The following NFATC1 variants were observed in gnomAD, a reference collection of about 807,000 sequenced individuals.
NFATC1 encodes nuclear factor of activated T cells 1, also known as nuclear factor of activated T-cells, cytoplasmic 1.
A neutral mutation model predicts 76.0 loss-of-function variants in NFATC1; 22 were observed. The ratio of observed to expected loss-of-function variants is 0.29; its 90% CI spans 0.21 to 0.41. The LOEUF (loss-of-function observed/expected upper bound fraction) is 0.41, where lower values mean the gene tolerates loss of function less well. Ranked by LOEUF, NFATC1 falls within the 10% of genes least tolerant of loss-of-function variation. The pLI, the probability that NFATC1 is intolerant of heterozygous loss-of-function variation, is 1.00. For synonymous variants in NFATC1, 704 were observed against 613.1 expected (o/e 1.15, Z -2.19); for missense variants, 1,357 against 1,337.7 (o/e 1.01, Z -0.23).
intron 3 of NFATC1, among the ~76,000 whole-genome samples, chr18:79,437,640 A>G (rs1173378602): frequency 6.6e-6 from 1 of 152,102 alleles, no homozygotes; most frequent in Non-Finnish European, 1.5e-5. Flanking sequence ...CCCAGCTCAC[A>G]CTGAGTGTCC....
Position 79,486,593 on chromosome 18 carries a change from C to G in NFATC1, c.2438C>G (p.Ser813Trp), listed in dbSNP as rs762686610. The change falls in exon 9 of 10, where the codon TCG becomes TGG. Residue 813 changes from serine to tryptophan, a missense_variant. By Grantham distance (177) the Ser-to-Trp change is radical. Transcript: ENST00000427363. ...AGGCCAGTGGCCACGCACCCCGGCT[C>G]GCCCGGGCAGCCACCCCCGGCCCTG... is the stretch of plus-strand genomic sequence containing the variant. ...VPRPVATHPG[S>W]PGQPPPALLP... The G allele has an allele frequency of 1.9e-6, 3 of 1,589,886 alleles. No individual in the cohort carries two copies. The African/African-American group carries it at 4.0e-5, about 21-fold the overall frequency.
At chr18:79,426,082 C>G (rs559340044) in intron 2 of NFATC1, among the ~76,000 whole-genome samples, 82 of 152,182 alleles carry the variant, frequency 5.4e-4, no homozygotes, top group African/African-American at 1.9e-3. Context: ...TGTGGTGGTG[C>G]GCCTGTGGTC....
intron 2 of NFATC1, among the ~76,000 whole-genome samples, chr18:79,426,483 A>G (rs1186061007): frequency 6.6e-6 from 1 of 152,192 alleles, no homozygotes; most frequent in African/African-American, 2.4e-5. Flanking sequence ...GCCACGAGCC[A>G]CACTGCTGTG....
chr18:79,469,075 C>G (rs1273382377), intron 8 of NFATC1: 1 of 156,340 alleles, frequency 6.4e-6, no homozygotes, highest in Non-Finnish European at 1.4e-5. Flanking sequence ...GCCTCACGCT[C>G]TGGACCCCCC....
At chr18:79,510,555 G>C (rs779023178) in intron 9 of NFATC1, among the ~76,000 whole-genome samples, 119 of 152,252 alleles carry the variant, frequency 7.8e-4, no homozygotes, top group Non-Finnish European at 1.4e-3. Flanking sequence ...CGGAGGAACA[G>C]GGATGGGCCT....
At chr18:79,508,120 C>T (rs942812363) in intron 9 of NFATC1, among the ~76,000 whole-genome samples, 2 of 152,212 alleles carry the variant, frequency 1.3e-5, no homozygotes, top group Admixed American at 1.3e-4. Flanking sequence ...TAAAAGTGAA[C>T]TTCAATTATT....
rs1569062185 is a variant in NFATC1, at chr18:79,527,717, G to A, written c.*140G>A. The stretch of plus-strand genomic sequence containing the variant: ...AATGCCAGGAGCTGAACATTAATAT[G>A]TGCAAAGATTGGCTCTCCAACAAGA... On this transcript the variant is annotated 3_prime_UTR_variant, in exon 10 of 10. Coordinates refer to ENST00000427363, the MANE Select transcript of NFATC1 (RefSeq NM_001278669.2). The A allele has an allele frequency of 2.7e-6, 2 of 746,782 alleles. No individual in the cohort carries two copies. The highest frequency in any genetic ancestry group is 1.7e-5 in the South Asian group (1 of 60,048). 46.3% of individuals were successfully genotyped at this position (746,782 alleles called of 1,614,324 possible). A position where few individuals can be genotyped will look rare whatever the true frequency, so the allele number is the denominator to read the frequency against.
intron 9 of NFATC1, among the ~76,000 whole-genome samples, 159 bp downstream of exon 9, chr18:79,487,096 G>A (rs1447531321): frequency 4.6e-5 from 7 of 152,192 alleles, no homozygotes; most frequent in Admixed American, 6.5e-5. Flanking sequence ...GTGCCCGTGC[G>A]GTGCCACGGC....
chr18:79,494,475 G>A lies in NFATC1; in HGVS notation c.2782+7538G>A, dbSNP rs11875741. The stretch of plus-strand genomic sequence containing the variant: ...CGCCCCCCATCGACCTGGTACCGCC[G>A]GGGGAAGGCGAGAGCGGGCACACGC... On this transcript the variant is annotated intron_variant, in intron 9 of 9. Coordinates refer to ENST00000427363, the MANE Select transcript of NFATC1 (RefSeq NM_001278669.2). 5.4e-3 allele frequency among the ~76,000 whole-genome samples: 261 copies of A among 48,274 alleles called. 5 individuals carry two copies. The highest frequency in any genetic ancestry group is 0.016 in the African/African-American group (204 of 13,016). The allele number at this position is 48,274 out of a possible 152,430, so 31.7% of individuals were successfully genotyped here.
intron 6 of NFATC1, among the ~76,000 whole-genome samples, chr18:79,455,025 G>A (rs957037671): frequency 1.4e-4 from 21 of 152,336 alleles, no homozygotes; most frequent in Middle Eastern, 3.4e-3. Context: ...CCCGAAGAAC[G>A]CCCGCGTGAA....
At chr18:79,463,402 G>A (rs1376591757) in intron 7 of NFATC1, among the ~76,000 whole-genome samples, 1 of 92,294 alleles carries the variant, frequency 1.1e-5, no homozygotes, top group African/African-American at 4.1e-5. Flanking sequence ...CACAGGCAAA[G>A]GCAGCTGGAG....
At chr18:79,466,434 A>G (rs925055005) in intron 7 of NFATC1, among the ~76,000 whole-genome samples, 1 of 152,078 alleles carries the variant, frequency 6.6e-6, no homozygotes, top group African/African-American at 2.4e-5. Context: ...CCAGTCATTT[A>G]GGGTCATCAG....
At chr18:79,475,103 C>T (rs1411511389) in intron 8 of NFATC1, among the ~76,000 whole-genome samples, 1 of 141,988 alleles carries the variant, frequency 7.0e-6, no homozygotes, top group South Asian at 2.2e-4. Context: ...GTGAGGGAAG[C>T]GTGTTCTCAC....
intron 2 of NFATC1, among the ~76,000 whole-genome samples, chr18:79,417,158 GAT>G: frequency 3.3e-5 from 5 of 149,896 alleles, no homozygotes; most frequent in East Asian, 2.0e-4. Flanking sequence ...TGTGGCGGGA[GAT>G]GGGCTGTGGC....
chr18:79,467,970 C>G (rs1600831534), intron 8 of NFATC1: 3 of 1,018,510 alleles, frequency 2.9e-6, no homozygotes, highest in Non-Finnish European at 3.5e-6. Flanking sequence ...TTTGCAGGCA[C>G]CTTTAGGAAT....
At chr18:79,405,245 C>T (rs574337042) in intron 1 of NFATC1, among the ~76,000 whole-genome samples, 10 of 152,304 alleles carry the variant, frequency 6.6e-5, no homozygotes, top group South Asian at 2.1e-4. Flanking sequence ...ATGTGCTCTC[C>T]GCGATCATTG....
At chr18:79,461,878 C>T (rs865971747) in intron 7 of NFATC1, among the ~76,000 whole-genome samples, 1 of 152,210 alleles carries the variant, frequency 6.6e-6, no homozygotes, top group Non-Finnish European at 1.5e-5. Flanking sequence ...CCACTGATTG[C>T]GCCGACCTCC....
At chr18:79,452,847 C>CT (rs1257549813) in intron 6 of NFATC1, among the ~76,000 whole-genome samples, 4 of 152,186 alleles carry the variant, frequency 2.6e-5, no homozygotes, top group Admixed American at 2.6e-4. Flanking sequence ...TATTTTTTTC[C>CT]TTTTGTACAC....
At chr18:79,407,088 G>C (rs1300648926) in intron 1 of NFATC1, among the ~76,000 whole-genome samples, 4 of 152,250 alleles carry the variant, frequency 2.6e-5, no homozygotes, top group Admixed American at 2.6e-4. Flanking sequence ...AGCCCCCCAG[G>C]TATCACCAGC....
Sources: gnomAD v4.1 joint callset for allele counts (sites outside exome capture counted in the v4.1 genomes callset) on GRCh38, gnomAD v4.1.1 for gene constraint, MANE v1.5 for transcripts, NCBI Gene and HGNC (gene_info 2026-07-23, HGNC 2026-07-21) for gene names.